The following NOL4 variants were observed in gnomAD, a reference collection of about 807,000 sequenced individuals.
NOL4 encodes the protein cancer/testis antigen 125.
Under a neutral mutation model 75.9 loss-of-function variants are expected in NOL4, and 17 were observed. That is an observed-to-expected ratio of 0.22 (90% CI 0.15 to 0.34). The LOEUF (loss-of-function observed/expected upper bound fraction) is 0.34. Ranked by LOEUF, NOL4 falls within the 10% of genes least tolerant of loss-of-function variation. The pLI is 1.00. For synonymous variants in NOL4, 292 were observed against 289.9 expected (o/e 1.01, Z -0.07); for missense variants, 614 against 793.5 (o/e 0.77, Z 2.72).
chr18:34,133,884 G>T (rs145712500), intron 1 of NOL4, among the ~76,000 whole-genome samples: 1 of 152,164 alleles, frequency 6.6e-6, no homozygotes, highest in Admixed American at 6.5e-5. Flanking sequence ...TTAGCTGGGC[G>T]TGGTGGCATG....
intron 5 of NOL4, among the ~76,000 whole-genome samples, chr18:34,077,673 C>T (rs1451303457): frequency 1.3e-5 from 2 of 151,824 alleles, no homozygotes; most frequent in African/African-American, 4.8e-5. Context: ...ATAAAAAATA[C>T]ATAAAACAAA....
At chr18:34,049,463 C>T (rs2076535639) in intron 5 of NOL4, among the ~76,000 whole-genome samples, 2 of 151,948 alleles carry the variant, frequency 1.3e-5, no homozygotes, top group South Asian at 2.1e-4. Context: ...CTATTTTGAA[C>T]ATTGAACATT....
At chr18:34,189,167 T>G (rs868646356) in intron 1 of NOL4, among the ~76,000 whole-genome samples, 30 of 152,184 alleles carry the variant, frequency 2.0e-4, no homozygotes, top group African/African-American at 7.2e-4. Flanking sequence ...TAGGGCCTTG[T>G]GCTGCATCAT....
Position 33,883,283 on chromosome 18 carries a change from C to G in NOL4, c.1684G>C (p.Gly562Arg), listed in dbSNP as rs146858948. 3.2e-5 allele frequency: 51 copies of G among 1,612,322 alleles called. No homozygotes were observed. The highest frequency in any genetic ancestry group is 4.0e-5 in the Non-Finnish European group (47 of 1,179,076). Residue 562 changes from glycine to arginine, a missense_variant, in exon 10 of 11, where the codon GGA (glycine) becomes CGA (arginine). By Grantham distance (125) the Gly-to-Arg change is moderately radical. This residue lies in a region of NOL4 where 128 missense variants were observed against 159.9 expected (regional missense o/e 0.80). Transcript: ENST00000261592. ...TCATTCAGATTTAGCAGACCCCCTC[C>G]TAGCCCTCTGTAACTATGGTAACTA... ...TYSYHSYRGL[G>R]GGLLNLNDAS...
chr18:33,854,546 A>G (rs746499780), intron 10 of NOL4, among the ~76,000 whole-genome samples: 10 of 152,060 alleles, frequency 6.6e-5, no homozygotes, highest in African/African-American at 1.2e-4. Context: ...CATTAACATC[A>G]TTGAGTTTAT....
chr18:33,913,604 C>T (rs536754865), intron 9 of NOL4, among the ~76,000 whole-genome samples: 3 of 152,160 alleles, frequency 2.0e-5, no homozygotes, highest in Admixed American at 2.0e-4. Context: ...AAAGGTTTAA[C>T]GACTTATGTT....
intron 1 of NOL4, among the ~76,000 whole-genome samples, chr18:34,144,746 T>C (rs762853857): frequency 1.3e-5 from 2 of 152,212 alleles, no homozygotes; most frequent in Non-Finnish European, 2.9e-5. Context: ...TGCAATTGTA[T>C]GAAGTTGTCA....
intron 1 of NOL4, chr18:34,222,120 C>T (rs1366882369): frequency 1.3e-6 from 2 of 1,533,248 alleles, no homozygotes; most frequent in Non-Finnish European, 1.7e-6. Flanking sequence ...TGCTGCGGCT[C>T]CCCAGCCCCA....
chr18:34,115,725 G>C (rs9960236), intron 2 of NOL4, among the ~76,000 whole-genome samples: 20 of 151,836 alleles, frequency 1.3e-4, no homozygotes, highest in African/African-American at 4.8e-4. Flanking sequence ...ACCCTTTTTC[G>C]GGGACTTCTC....
At position 34,223,398 on chromosome 18, in the gene NOL4, G is replaced by A; in HGVS notation, c.-145C>T. ...GGAGCCTGCTTTGGGTGGGGGAAGG[G>A]ATGGGAAGAGGGGAGGAGGGTCCGG... On this transcript the variant is annotated 5_prime_UTR_variant, in exon 1 of 11. Transcript: ENST00000261592. 8.5e-7 allele frequency: 1 copy of A among 1,170,490 alleles called. No homozygotes were observed. The highest frequency in any genetic ancestry group is 1.2e-6 in the Non-Finnish European group (1 of 844,470). The allele number at this position is 1,170,490 out of a possible 1,614,324, so 72.5% of individuals were successfully genotyped here. A position where few individuals can be genotyped will look rare whatever the true frequency, so the allele number is the denominator to read the frequency against.
At chr18:34,193,100 C>T (rs770354029) in intron 1 of NOL4, among the ~76,000 whole-genome samples, 4 of 152,060 alleles carry the variant, frequency 2.6e-5, no homozygotes, top group Non-Finnish European at 4.4e-5. Context: ...ATACCATATA[C>T]AAAAATTAAC....
At chr18:33,958,511 A>T in intron 6 of NOL4, 93 bp from the exon 7 acceptor site, 1 of 1,173,490 alleles carries the variant, frequency 8.5e-7, no homozygotes, top group Non-Finnish European at 1.2e-6. Context: ...TTTCTCAAAA[A>T]TCTTGTTTAT....
At chr18:33,923,608 T>C (rs777308665) in intron 9 of NOL4, among the ~76,000 whole-genome samples, 4 of 152,136 alleles carry the variant, frequency 2.6e-5, no homozygotes, top group Non-Finnish European at 5.9e-5. Flanking sequence ...ACCTCAACAA[T>C]GTACCCAAAG....
chr18:33,920,190 G>A lies in NOL4; in HGVS notation c.1542+22875C>T, dbSNP rs149780392. On this transcript the variant is annotated intron_variant, in intron 9 of 10. Transcript: ENST00000261592. ...TAGAGAGAGGGAAGGAGAGAGGGAA[G>A]ATGAGAGAGAGACGAGACAGAAGGA... is the stretch of plus-strand genomic sequence containing the variant. Among the ~76,000 whole-genome samples, 1,169 of 152,100 alleles carry A rather than the reference G, an allele frequency of 7.7e-3. 7 individuals carry two copies. Among genetic ancestry groups the A allele is most frequent in the Middle Eastern group, 0.031 (9 of 294 alleles).
In NOL4 at chr18:33,928,226, T is replaced by C. The variant is rs117642346; in HGVS notation, c.1542+14839A>G. Among the ~76,000 whole-genome samples the C allele has an allele frequency of 1.2e-4, 18 of 152,314 alleles. No homozygotes were observed. In the East Asian group the frequency reaches 3.5e-3, roughly 29 times the overall value. On this transcript the variant is annotated intron_variant, in intron 9 of 10. Transcript: ENST00000261592. ...CAGTAAACCATATGTTTCCCTGTCTTTGGCACCAAAAGTGTATCAACATCG... is the reference window on the plus strand; with the variant it reads ...CAGTAAACCATATGTTTCCCTGTCTCTGGCACCAAAAGTGTATCAACATCG...
At chr18:34,153,718 A>T (rs2029867270) in intron 1 of NOL4, among the ~76,000 whole-genome samples, 1 of 152,000 alleles carries the variant, frequency 6.6e-6, no homozygotes, top group Admixed American at 6.6e-5. Context: ...GTGTTAAGAC[A>T]GAGACTATAT....
At chr18:33,984,416 C>T (rs1178483343) in intron 6 of NOL4, among the ~76,000 whole-genome samples, 1 of 152,010 alleles carries the variant, frequency 6.6e-6, no homozygotes, top group Non-Finnish European at 1.5e-5. Flanking sequence ...GGATCTGTGT[C>T]CCCACCCAAA....
rs1291477729 is a variant in NOL4 at position 34,048,527 on chromosome 18, A to G, written c.773-28926T>C. Reference sequence around the variant, plus strand: ...TCCAGCATCCCTCAGGCGAGGTCCAACCTTTCTCTCGAAGTGCACCCAGGG... The same window carrying G: ...TCCAGCATCCCTCAGGCGAGGTCCAGCCTTTCTCTCGAAGTGCACCCAGGG... On this transcript the variant is annotated intron_variant, in intron 5 of 10. Coordinates refer to ENST00000261592, the MANE Select transcript of NOL4 (RefSeq NM_003787.5). 8.1e-6 allele frequency: 8 copies of G among 985,316 alleles called. No individual in the cohort carries two copies. The African/African-American group carries it at 8.7e-5, about 11-fold the overall frequency. The allele number at this position is 985,316 out of a possible 1,614,324, so 61.0% of individuals were successfully genotyped here.
intron 5 of NOL4, among the ~76,000 whole-genome samples, chr18:34,065,596 C>T (rs1330747428): frequency 6.6e-6 from 1 of 151,742 alleles, no homozygotes; most frequent in Non-Finnish European, 1.5e-5. Flanking sequence ...TGCAAATGAG[C>T]CCCACCCCAC....
Sources: gnomAD v4.1 joint callset for allele counts (sites outside exome capture counted in the v4.1 genomes callset) on GRCh38, gnomAD v4.1.1 for gene constraint, gnomAD v4.1.1 regional missense constraint, MANE v1.5 for transcripts, NCBI Gene and HGNC (gene_info 2026-07-23, HGNC 2026-07-21) for gene names.